Variants in CSMD1 observed in about 807,000 individuals in gnomAD.
CSMD1 encodes the protein CUB and Sushi multiple domains 1.
In CSMD1, 213 loss-of-function variants were observed where a neutral mutation model predicts 417.5. The observed-to-expected ratio is 0.51, with a 90% confidence interval of 0.46 to 0.57. The LOEUF is 0.57. Among genes scored for constraint, CSMD1 ranks in the 20% least tolerant of loss-of-function variants. The pLI is 0.00. For synonymous variants in CSMD1, 2,862 were observed against 1,736.8 expected (o/e 1.65, Z -16.11); for missense variants, 6,923 against 4,529.7 (o/e 1.53, Z -15.17).
At chr8:4,896,591 G>C (rs751336323) in intron 1 of CSMD1, among the ~76,000 whole-genome samples, 1 of 151,982 alleles carries the variant, frequency 6.6e-6, no homozygotes, top group Non-Finnish European at 1.5e-5. Context: ...ATTTAACCAT[G>C]TTCATAAATT....
chr8:3,261,865 A>T (rs921498654), intron 26 of CSMD1, among the ~76,000 whole-genome samples: 18 of 152,076 alleles, frequency 1.2e-4, no homozygotes, highest in African/African-American at 4.1e-4. Context: ...GCCGAGGTCA[A>T]TGGGTACGGC....
At chr8:3,599,753 T>C (rs1801272543) in intron 8 of CSMD1, among the ~76,000 whole-genome samples, 1 of 152,182 alleles carries the variant, frequency 6.6e-6, no homozygotes, top group Admixed American at 6.5e-5. Context: ...CTCTCTTCTT[T>C]CACCAGGTGG....
chr8:4,475,737 C>T (rs540207389), intron 2 of CSMD1, among the ~76,000 whole-genome samples: 12 of 152,028 alleles, frequency 7.9e-5, no homozygotes, highest in African/African-American at 2.7e-4. Context: ...ATCAGCCTCC[C>T]GAGTAGCTGG....
intron 1 of CSMD1, among the ~76,000 whole-genome samples, chr8:4,810,715 T>C (rs1447845537): frequency 6.6e-6 from 1 of 152,196 alleles, no homozygotes; most frequent in African/African-American, 2.4e-5. Flanking sequence ...CATCTGGAAA[T>C]TTTCATAATT....
intron 5 of CSMD1, among the ~76,000 whole-genome samples, chr8:3,924,556 G>C (rs117612947): frequency 6.6e-6 from 1 of 152,076 alleles, no homozygotes; most frequent in South Asian, 2.1e-4. Context: ...TGAAAATTGT[G>C]TATCAGTTTT....
At chr8:3,663,048 G>T (rs989157760) in intron 7 of CSMD1, among the ~76,000 whole-genome samples, 2 of 152,042 alleles carry the variant, frequency 1.3e-5, no homozygotes, top group African/African-American at 2.4e-5. Flanking sequence ...CTGGCAGTGG[G>T]AATAAAGGAA....
chr8:3,594,500 G>C (rs1801002099), intron 8 of CSMD1, among the ~76,000 whole-genome samples: 1 of 152,068 alleles, frequency 6.6e-6, no homozygotes, highest in South Asian at 2.1e-4. Flanking sequence ...GGTTTGTTCA[G>C]ACAATTGCAT....
intron 1 of CSMD1, among the ~76,000 whole-genome samples, chr8:4,751,111 G>A (rs7841214): frequency 0.011 from 1,698 of 152,282 alleles, 28 homozygotes; most frequent in African/African-American, 0.038. Context: ...CTGCCTGGGA[G>A]CAGTGGCTCA....
intron 1 of CSMD1, among the ~76,000 whole-genome samples, chr8:4,834,577 A>G (rs1387816805): frequency 6.6e-6 from 1 of 152,138 alleles, no homozygotes; most frequent in Non-Finnish European, 1.5e-5. Flanking sequence ...AAGTAATACG[A>G]GTTCAAAAAG....
At chr8:3,815,756 T>A (rs1426051248) in intron 5 of CSMD1, among the ~76,000 whole-genome samples, 3 of 152,016 alleles carry the variant, frequency 2.0e-5, no homozygotes, top group Non-Finnish European at 4.4e-5. Flanking sequence ...TGGAAAGTCA[T>A]AAAACCACAT....
intron 2 of CSMD1, among the ~76,000 whole-genome samples, chr8:4,447,933 A>G (rs1038495502): frequency 2.0e-5 from 3 of 152,072 alleles, no homozygotes; most frequent in African/African-American, 7.3e-5. Context: ...CAATTACCAC[A>G]CTCACCATAT....
chr8:4,320,888 T>C (rs1254403049), intron 3 of CSMD1, among the ~76,000 whole-genome samples: 1 of 152,140 alleles, frequency 6.6e-6, no homozygotes, highest in African/African-American at 2.4e-5. Context: ...CACTTATGTT[T>C]GTTTTGTTTT....
At chr8:4,236,368 C>T (rs540078659) in intron 3 of CSMD1, among the ~76,000 whole-genome samples, 2 of 152,028 alleles carry the variant, frequency 1.3e-5, no homozygotes, top group African/African-American at 2.4e-5. Flanking sequence ...CATCCCCACT[C>T]GGAGAAAGGG....
intron 3 of CSMD1, among the ~76,000 whole-genome samples, chr8:4,192,879 T>C (rs1294936763): frequency 6.6e-6 from 1 of 152,330 alleles, no homozygotes; most frequent in African/African-American, 2.4e-5. Flanking sequence ...TTCTAGGAAC[T>C]TGATTCCATA....
At chr8:3,927,864 T>A (rs1327167167) in intron 5 of CSMD1, among the ~76,000 whole-genome samples, 2 of 152,178 alleles carry the variant, frequency 1.3e-5, no homozygotes, top group Non-Finnish European at 2.9e-5. Flanking sequence ...TAAAATAGTT[T>A]CATAAACATT....
At chr8:3,987,882 C>G (rs539057863) in intron 5 of CSMD1, among the ~76,000 whole-genome samples, 7 of 152,298 alleles carry the variant, frequency 4.6e-5, no homozygotes, top group African/African-American at 1.4e-4. Flanking sequence ...CTGTTTGGCA[C>G]ATTGCAACAT....
chr8:4,342,033 T>G lies in CSMD1; in HGVS notation c.415+77920A>C, dbSNP rs910934514. 2.0e-5 allele frequency among the ~76,000 whole-genome samples: 3 copies of G among 152,248 alleles called. No individual in the cohort carries two copies. In the Middle Eastern group the frequency reaches 0.01, roughly 518 times the overall value. ...TTAAGACTTGGTCTCAAGATACAAA[T>G]TCTTGATATGAATTTGGAGCATCCT... On this transcript the variant is annotated intron_variant, in intron 3 of 69. Coordinates refer to ENST00000635120, the MANE Select transcript of CSMD1 (RefSeq NM_033225.6).
chr8:4,646,946 T>C (rs182808572), intron 1 of CSMD1, among the ~76,000 whole-genome samples: 2 of 152,278 alleles, frequency 1.3e-5, no homozygotes, highest in Admixed American at 1.3e-4. Flanking sequence ...TAAAAAGAGA[T>C]ATAAATGTCC....
At chr8:4,328,523 C>G (rs547627736) in intron 3 of CSMD1, among the ~76,000 whole-genome samples, 3 of 151,954 alleles carry the variant, frequency 2.0e-5, no homozygotes, top group Non-Finnish European at 1.5e-5. Flanking sequence ...GGTAATAAAG[C>G]ATCTCCTGTA....
Sources: gnomAD v4.1 joint callset for allele counts (sites outside exome capture counted in the v4.1 genomes callset) on GRCh38, gnomAD v4.1.1 for gene constraint, MANE v1.5 for transcripts, NCBI Gene and HGNC (gene_info 2026-07-23, HGNC 2026-07-21) for gene names.